FAM90A1: variants seen among roughly 807,000 people sequenced by gnomAD.
FAM90A1 encodes the protein protein FAM90A1.
FAM90A1 carries 10 observed loss-of-function variants against 14.8 expected under a neutral mutation model. That is an observed-to-expected ratio of 0.67 (90% CI 0.42 to 1.14). FAM90A1 has a LOEUF of 1.14. FAM90A1 is among the 50% of genes most tolerant of loss of function. FAM90A1 has a pLI of 0.00. For synonymous variants in FAM90A1, 236 were observed against 248.4 expected (o/e 0.95, Z 0.47); for missense variants, 567 against 602.8 (o/e 0.94, Z 0.62).
In FAM90A1 at chr12:8,222,799, A is replaced by G. The variant is rs1244688548; in HGVS notation, c.433-15T>C. On this transcript the variant is annotated splice_polypyrimidine_tract_variant and intron_variant, in intron 6 of 6. Coordinates refer to ENST00000538603, the MANE Select transcript of FAM90A1 (RefSeq NM_018088.3). ...CCGCTTGCAACCTGAAAGAGAGGAA[A>G]CAACACAGGTTAGAAGTTCCTCAGC... The G allele has an allele frequency of 6.3e-7, 1 of 1,582,494 alleles. No homozygotes were observed. Among genetic ancestry groups the G allele is most frequent in the Non-Finnish European group, 8.5e-7 (1 of 1,171,672 alleles).
chr12:8,224,561 A>C, intron 4 of FAM90A1, 149 bp downstream of exon 4: 1 of 762,926 alleles, frequency 1.3e-6, no homozygotes, highest in South Asian at 1.8e-5. Context: ...GGAGGTCCCA[A>C]GCCACGCCCA....
rs182789716 is a variant in FAM90A1, at chr12:8,222,333, G to A, written c.884C>T (p.Pro295Leu). Residue 295 changes from proline to leucine, a missense_variant, in exon 7 of 7, where the codon CCG (proline) becomes CTG (leucine). Physicochemically the swap from Pro to Leu is moderately conservative, Grantham distance 98. Transcript: ENST00000538603. ...GTTCAGGCAAGCCTGAATCGGAGCCGGGGCAGATCTCTTGGCTCCTGGCCC... is the reference window on the plus strand; with the variant it reads ...GTTCAGGCAAGCCTGAATCGGAGCCAGGGCAGATCTCTTGGCTCCTGGCCC... The part of the protein sequence containing the change: ...SFGPGAKRSA[P>L]APIQACLNFP... 3.0e-3 allele frequency: 4,848 copies of A among 1,610,244 alleles called. 9 individuals carry two copies. The highest frequency in any genetic ancestry group is 4.5e-3 in the Admixed American group (273 of 60,004).
rs1217228045 is a variant in FAM90A1 at position 8,222,752 on chromosome 12, G to A, written c.465C>T (p.Thr155=). ...CAGGGTCCACACGCGGCCTCTTACTGGTTGTGTGGACCGGCATTGGCCCGC... is the reference window on the plus strand; with the variant it reads ...CAGGGTCCACACGCGGCCTCTTACTAGTTGTGTGGACCGGCATTGGCCCGC... ...VASGPMPVHT[T]SKRPRVDPVL... The change falls in exon 7 of 7, where the codon ACC becomes ACT. Residue 155 remains threonine (T), a synonymous_variant. Coordinates refer to ENST00000538603, the MANE Select transcript of FAM90A1 (RefSeq NM_018088.3). 6.2e-7 allele frequency: 1 copy of A among 1,602,044 alleles called. No individual in the cohort carries two copies. The highest frequency in any genetic ancestry group is 8.5e-7 in the Non-Finnish European group (1 of 1,179,654).
rs145299735 is a variant in FAM90A1, at chr12:8,223,642, C to T, written c.324-85G>A. The stretch of plus-strand genomic sequence containing the variant: ...CCCTGTCTGGGGCCCAGTCCCATTC[C>T]GTGTTTTGTGATACAGAAATGGACA... On this transcript the variant is annotated intron_variant, in intron 5 of 6. Coordinates refer to ENST00000538603, the MANE Select transcript of FAM90A1 (RefSeq NM_018088.3). 8.9e-4 allele frequency: 764 copies of T among 859,162 alleles called. 9 individuals carry two copies. The East Asian group carries it at 0.018, about 20-fold the overall frequency. 53.2% of individuals were successfully genotyped at this position (859,162 alleles called of 1,614,324 possible). A position where few individuals can be genotyped will look rare whatever the true frequency, so the allele number is the denominator to read the frequency against.
In FAM90A1 at chr12:8,222,666, G is replaced by T; in HGVS notation, c.551C>A (p.Ser184Tyr). The change falls in exon 7 of 7, where the codon TCT becomes TAT. Residue 184 changes from serine to tyrosine, a missense_variant. Coordinates refer to ENST00000538603, the MANE Select transcript of FAM90A1 (RefSeq NM_018088.3). ...SDRGSVLASL[S>Y]PLRKASLSSS... ...GCTCAGACTGGCTTTTCTGAGGGGA[G>T]ACAGTGAAGCTAAGACGGAGCCCCT... The T allele has an allele frequency of 6.2e-7, 1 of 1,610,998 alleles. No individual in the cohort carries two copies. The highest frequency in any genetic ancestry group is 8.5e-7 in the Non-Finnish European group (1 of 1,179,872).
In FAM90A1 at chr12:8,222,348, G is replaced by T; in HGVS notation, c.869C>A (p.Ala290Asp). ...LGSNLSFGPG[A>D]KRSAPAPIQA... The stretch of plus-strand genomic sequence containing the variant: ...AATCGGAGCCGGGGCAGATCTCTTG[G>T]CTCCTGGCCCGAAGCTGAGATTGGA... The change falls in exon 7 of 7, where the codon GCC (alanine) becomes GAC (aspartate). Residue 290 changes from alanine to aspartate, a missense_variant. Physicochemically the swap from Ala to Asp is moderately radical, Grantham distance 126 (BLOSUM62 -2). Coordinates refer to ENST00000538603, the MANE Select transcript of FAM90A1 (RefSeq NM_018088.3). 1 of 1,611,710 alleles carries T rather than the reference G, an allele frequency of 6.2e-7. No homozygotes were observed. The highest frequency in any genetic ancestry group is 8.5e-7 in the Non-Finnish European group (1 of 1,179,910).
intron 3 of FAM90A1, among the ~76,000 whole-genome samples, chr12:8,225,114 G>A (rs1440574246): frequency 1.2e-4 from 19 of 152,382 alleles, no homozygotes; most frequent in Admixed American, 9.1e-4. Context: ...CACAGGGCCC[G>A]TGGCCTAGGT....
chr12:8,226,659 A>G (rs1445059278), intron 1 of FAM90A1, among the ~76,000 whole-genome samples, 181 bp from the exon 2 acceptor site: 21 of 152,088 alleles, frequency 1.4e-4, no homozygotes, highest in Non-Finnish European at 7.3e-5. Flanking sequence ...AGGGTCTTAT[A>G]CTGCTTTACA....
rs1334024805 is a variant in FAM90A1, at chr12:8,222,055, C to T, written c.1162G>A (p.Gly388Arg). Reference sequence around the variant, plus strand: ...AAGAGCACTCTGAGAGGCTGGGCCCCATCATGGCTGGCCGCTGGGTGATGG... The same window carrying T: ...AAGAGCACTCTGAGAGGCTGGGCCCTATCATGGCTGGCCGCTGGGTGATGG... ...MSHHPAASHD[G>R]AQPLRVLFRR... Residue 388 changes from glycine (G) to arginine (R), a missense_variant, in exon 7 of 7, where the codon GGG becomes AGG. Physicochemically the swap from Gly to Arg is moderately radical, Grantham distance 125. Transcript: ENST00000538603. 1 of 1,605,916 alleles carries T rather than the reference C, an allele frequency of 6.2e-7. No individual in the cohort carries two copies.
At position 8,222,903 on chromosome 12, in the gene FAM90A1, C is replaced by T. The variant is rs749162221; in HGVS notation, c.433-119G>A. On this transcript the variant is annotated intron_variant, in intron 6 of 6. Transcript: ENST00000538603. ...AAATTCTTAGTACACTATCGACAGG[C>T]GGTCCTTGGAAGTAGGGACAGACCC... is the stretch of plus-strand genomic sequence containing the variant. 694 of 1,168,602 alleles carry T rather than the reference C, an allele frequency of 5.9e-4. 1 individual carries two copies. In the African/African-American group the frequency reaches 9.3e-3, roughly 16 times the overall value. The allele number at this position is 1,168,602 out of a possible 1,614,324, so 72.4% of individuals were successfully genotyped here. A position where few individuals can be genotyped will look rare whatever the true frequency, so the allele number is the denominator to read the frequency against.
In FAM90A1 at chr12:8,226,409, A is replaced by G. The variant is rs1948944976; in HGVS notation, c.-351T>C. On this transcript the variant is annotated 5_prime_UTR_variant, in exon 2 of 7. Coordinates refer to ENST00000538603, the MANE Select transcript of FAM90A1 (RefSeq NM_018088.3). The stretch of plus-strand genomic sequence containing the variant: ...CCCCACGGTAGGTCTGTCAGCAGAG[A>G]ACCCTGACCACACACTCATGTGTTT... The G allele has an allele frequency of 6.6e-6, 1 of 152,214 alleles. No individual in the cohort carries two copies. Among genetic ancestry groups the G allele is most frequent in the Non-Finnish European group, 1.5e-5 (1 of 68,042 alleles). 9.4% of individuals were successfully genotyped at this position (152,214 alleles called of 1,614,324 possible). A position where few individuals can be genotyped will look rare whatever the true frequency, so the allele number is the denominator to read the frequency against.
rs774961350 is a variant in FAM90A1, at chr12:8,222,425, C to A, written c.792G>T (p.Ala264=). ...VSPQAQDKRP[A]VTSQPCPPAA... ...CTGGTGGGCAGGGCTGTGAGGTCAC[C>A]GCAGGACGTTTGTCTTGTGCCTGGG... The change falls in exon 7 of 7, where the codon GCG becomes GCT. Residue 264 remains alanine (A), a synonymous_variant. Coordinates refer to ENST00000538603, the MANE Select transcript of FAM90A1 (RefSeq NM_018088.3). 5 of 1,610,506 alleles carry A rather than the reference C, an allele frequency of 3.1e-6. No individual in the cohort carries two copies. Among genetic ancestry groups the A allele is most frequent in the Admixed American group, 1.7e-5 (1 of 59,992 alleles).
Position 8,224,074 on chromosome 12 carries a change from C to T in FAM90A1, c.265G>A (p.Val89Ile), listed in dbSNP as rs1285545607. The T allele has an allele frequency of 1.9e-6, 3 of 1,612,088 alleles. No homozygotes were observed. The highest frequency in any genetic ancestry group is 2.5e-6 in the Non-Finnish European group (3 of 1,179,868). ...KENLKPWKPQ[V>I]EANPGPLNKD... Reference sequence around the variant, plus strand: ...TTCAAGGGCCCAGGGTTCGCTTCAACCTGGGGCTTCCATGGTTTCAGGTTT... The same window carrying T: ...TTCAAGGGCCCAGGGTTCGCTTCAATCTGGGGCTTCCATGGTTTCAGGTTT... The change falls in exon 5 of 7, where the codon GTT becomes ATT. Residue 89 changes from valine to isoleucine, a missense_variant. By Grantham distance (29) the Val-to-Ile change is conservative. Coordinates refer to ENST00000538603, the MANE Select transcript of FAM90A1 (RefSeq NM_018088.3).
chr12:8,226,800 G>GTTTT (rs1565432090), intron 1 of FAM90A1, among the ~76,000 whole-genome samples: 1 of 113,656 alleles, frequency 8.8e-6, no homozygotes, highest in East Asian at 2.7e-4. Flanking sequence ...CTTCATTGAT[G>GTTTT]TCTTTTTTTT....
chr12:8,226,863 TG>T (rs939346404), intron 1 of FAM90A1, among the ~76,000 whole-genome samples: 1 of 138,144 alleles, frequency 7.2e-6, no homozygotes, highest in Non-Finnish European at 1.5e-5. Flanking sequence ...TGGGGTGCAG[TG>T]GTGTGATCTC....
chr12:8,224,763 G>A lies in FAM90A1; in HGVS notation c.70C>T (p.Arg24Trp), dbSNP rs111960401. The A allele has an allele frequency of 3.9e-5, 62 of 1,591,012 alleles. No individual in the cohort carries two copies. Among genetic ancestry groups the A allele is most frequent in the African/African-American group, 3.1e-4 (23 of 73,900 alleles). Residue 24 changes from arginine to tryptophan, a missense_variant, in exon 4 of 7, where the codon CGG becomes TGG. By Grantham distance (101) the Arg-to-Trp change is moderately radical. Transcript: ENST00000538603. The part of the protein sequence containing the change: ...LVRAQTLQKQ[R>W]RAPVGPRAPP... ...GCCCTTGGCCCAACTGGGGCCCTCCGCTGCTTCTGGAGGGTCTGGGCTCTC... is the reference window on the plus strand; with the variant it reads ...GCCCTTGGCCCAACTGGGGCCCTCCACTGCTTCTGGAGGGTCTGGGCTCTC...
intron 6 of FAM90A1, among the ~76,000 whole-genome samples, chr12:8,223,211 A>G (rs1353228290): frequency 2.0e-5 from 3 of 152,234 alleles, no homozygotes; most frequent in Non-Finnish European, 4.4e-5. Context: ...TCATGCCGCT[A>G]GGAACGTGTT....
intron 2 of FAM90A1, 111 bp from the exon 3 acceptor site, chr12:8,226,103 A>T (rs961836122): frequency 6.6e-6 from 1 of 152,130 alleles, no homozygotes; most frequent in Non-Finnish European, 1.5e-5. Flanking sequence ...CTCTAAGATC[A>T]TGTCCACTGC....
intron 1 of FAM90A1, among the ~76,000 whole-genome samples, chr12:8,226,827 TG>T (rs66789124): frequency 0.11 from 8,707 of 82,596 alleles, 573 homozygotes; most frequent in East Asian, 0.33. Flanking sequence ...TTTTTTTTTT[TG>T]AGACACAGTC....
Sources: allele counts gnomAD v4.1 joint callset (sites outside exome capture counted in the v4.1 genomes callset), GRCh38; gene constraint gnomAD v4.1.1; transcripts MANE v1.5; gene names NCBI Gene and HGNC (gene_info 2026-07-23, HGNC 2026-07-21).